ATP2C2: variants seen among roughly 807,000 people sequenced by gnomAD.
ATP2C2 encodes ATPase secretory pathway Ca2+ transporting 2, also known as calcium-transporting ATPase type 2C member 2.
Under a neutral mutation model 110.8 loss-of-function variants are expected in ATP2C2, and 171 were observed. The observed-to-expected ratio is 1.54, with a 90% confidence interval of 1.36 to 1.75. The LOEUF is 1.75. Ranked by LOEUF, ATP2C2 falls within the 40% of genes most tolerant of loss-of-function variation. The pLI, the probability that ATP2C2 is intolerant of heterozygous loss-of-function variation, is 0.00. For missense variants in ATP2C2, 1,963 were observed against 1,235.0 expected, an observed-to-expected ratio of 1.59 and a Z score of -8.84; for synonymous variants, 804 against 508.4, an observed-to-expected ratio of 1.58 and a Z score of -7.82.
chr16:84,392,952 T>C (rs1432474048), intron 1 of ATP2C2, among the ~76,000 whole-genome samples: 1 of 152,186 alleles, frequency 6.6e-6, no homozygotes, highest in East Asian at 1.9e-4. Context: ...TTTGGCTGCC[T>C]GACAGCGTAG....
intron 10 of ATP2C2, among the ~76,000 whole-genome samples, chr16:84,425,291 G>A (rs973925142): frequency 1.3e-5 from 2 of 152,158 alleles, no homozygotes; most frequent in Non-Finnish European, 2.9e-5. Flanking sequence ...AATTATTAAT[G>A]AAGGAAAATG....
rs780662548 is a variant in ATP2C2 at position 84,462,175 on chromosome 16, TG to T, written c.2722+52del. The T allele has an allele frequency of 5.7e-6, 9 of 1,583,034 alleles. No homozygotes were observed. The East Asian group carries it at 1.6e-4, about 28-fold the overall frequency. ...CGACAGGTGACCTCGACCAGGGCCA[TG>T]GGGGGCGGCAGCTGCCAGGTGGGGA... On this transcript the variant is annotated intron_variant, in intron 26 of 26. Transcript: ENST00000262429.
Position 84,439,454 on chromosome 16 carries a change from A to C in ATP2C2, c.1139A>C (p.Lys380Thr). 1 of 1,614,166 alleles carries C rather than the reference A, an allele frequency of 6.2e-7. No individual in the cohort carries two copies. Among genetic ancestry groups the C allele is most frequent in the South Asian group, 1.1e-5 (1 of 91,078 alleles). ...LGCCSVLCSD[K>T]TGTLTANEMT... is the part of the protein sequence containing the mutation. ...TGCTGCAGCGTTCTCTGTTCTGACA[A>C]GACGGGGACTCTGACTGCCAATGAA... Residue 380 changes from lysine to threonine, a missense_variant, in exon 13 of 27, where the codon AAG becomes ACG. Physicochemically the swap from Lys to Thr is moderately conservative, Grantham distance 78 (BLOSUM62 -1). Coordinates refer to ENST00000262429, the MANE Select transcript of ATP2C2 (RefSeq NM_014861.4).
chr16:84,462,252 G>A (rs914244032), intron 26 of ATP2C2, 123 bp downstream of exon 26: 89 of 1,327,906 alleles, frequency 6.7e-5, no homozygotes, highest in Admixed American at 4.9e-4. Flanking sequence ...ACCAGGGGCC[G>A]GCTCTGTCTT....
rs1018930136 is a variant in ATP2C2, at chr16:84,422,019, T to A, written c.625-371T>A. Among the ~76,000 whole-genome samples, 59 of 152,182 alleles carry A rather than the reference T, an allele frequency of 3.9e-4. 1 individual carries two copies. Among genetic ancestry groups the A allele is most frequent in the Admixed American group, 6.5e-5 (1 of 15,282 alleles). On this transcript the variant is annotated intron_variant, in intron 7 of 26. Coordinates refer to ENST00000262429, the MANE Select transcript of ATP2C2 (RefSeq NM_014861.4). ...ACCTGGCTCGGTTATTGTGTGGGAT[T>A]GTGTGGGAACCATACAGATTGTACA...
In ATP2C2 at chr16:84,407,844, A is replaced by G. The variant is rs550235219; in HGVS notation, c.328-561A>G. On this transcript the variant is annotated intron_variant, in intron 3 of 26. Coordinates refer to ENST00000262429, the MANE Select transcript of ATP2C2 (RefSeq NM_014861.4). ...TCTGAATCCGGTTTTATGTGTTTGC[A>G]TTTCTTTTCAATCCTCTGTAACATG... 7.9e-5 allele frequency among the ~76,000 whole-genome samples: 12 copies of G among 152,198 alleles called. No homozygotes were observed. In the East Asian group the frequency reaches 2.1e-3, roughly 27 times the overall value.
intron 20 of ATP2C2, 146 bp downstream of exon 20, chr16:84,453,517 T>A: frequency 9.0e-7 from 1 of 1,115,430 alleles, no homozygotes; most frequent in Non-Finnish European, 1.3e-6. Context: ...GCCCCGGGAG[T>A]TACCTTTTCA....
Position 84,425,902 on chromosome 16 carries a change from G to T in ATP2C2, c.986+101G>T, listed in dbSNP as rs540541619. 2.0e-5 allele frequency: 29 copies of T among 1,437,204 alleles called. 1 individual carries two copies. The African/African-American group carries it at 2.1e-4, about 10-fold the overall frequency. 89.0% of individuals were successfully genotyped at this position (1,437,204 alleles called of 1,614,324 possible). On this transcript the variant is annotated intron_variant, in intron 11 of 26. Transcript: ENST00000262429. ...GGTGGGGAGGCTGCAGAATAGGAAG[G>T]GTTGGGAAGGTGCAGCCCCGTCACC...
chr16:84,451,906 C>A lies in ATP2C2; in HGVS notation c.1661-15C>A. ...AGCCCCCGGTGACCCCTCCTTACTC[C>A]CCCTCTCTCCTCAGTGCTGGCCCTG... On this transcript the variant is annotated splice_polypyrimidine_tract_variant and intron_variant, in intron 17 of 26. Transcript: ENST00000262429. 1.2e-6 allele frequency: 2 copies of A among 1,606,382 alleles called. No homozygotes were observed. Among genetic ancestry groups the A allele is most frequent in the Non-Finnish European group, 1.7e-6 (2 of 1,177,730 alleles).
At chr16:84,410,483 TAA>T in intron 4 of ATP2C2, 83 bp from the exon 5 acceptor site, 1 of 1,446,480 alleles carries the variant, frequency 6.9e-7, no homozygotes, top group Non-Finnish European at 9.7e-7. Context: ...AATCAATCAT[TAA>T]AGACAAGCCC....
intron 1 of ATP2C2, among the ~76,000 whole-genome samples, chr16:84,374,760 C>T (rs1469696450): frequency 4.6e-5 from 7 of 152,180 alleles, no homozygotes; most frequent in African/African-American, 1.7e-4. Context: ...TGGATGAGAA[C>T]ACAGGCAGCT....
intron 13 of ATP2C2, among the ~76,000 whole-genome samples, chr16:84,440,129 C>A (rs919938202): frequency 1.3e-5 from 2 of 152,234 alleles, no homozygotes; most frequent in South Asian, 2.1e-4. Flanking sequence ...TGAGCCACCA[C>A]GCCCAGCCTG....
At chr16:84,401,864 A>G (rs1905345170) in intron 2 of ATP2C2, among the ~76,000 whole-genome samples, 1 of 152,158 alleles carries the variant, frequency 6.6e-6, no homozygotes, top group African/African-American at 2.4e-5. Context: ...TATTTCTGTT[A>G]AGAATGTCAT....
chr16:84,416,303 C>A (rs976058299), intron 7 of ATP2C2, among the ~76,000 whole-genome samples: 1 of 152,190 alleles, frequency 6.6e-6, no homozygotes, highest in Non-Finnish European at 1.5e-5. Context: ...GAGGTTACAT[C>A]AAGTTCACCA....
intron 21 of ATP2C2, among the ~76,000 whole-genome samples, chr16:84,458,551 T>A (rs1252526966): frequency 6.6e-6 from 1 of 152,140 alleles, no homozygotes; most frequent in Non-Finnish European, 1.5e-5. Flanking sequence ...TATAGTTCTT[T>A]TCAAAATATT....
rs758363847 is a variant in ATP2C2 at position 84,463,657 on chromosome 16, G to T, written c.2766G>T (p.Leu922Phe). ...LTGLASSVFI[L>F]SELLKLCEKY... ...GATTGGCCTCATCCGTCTTCATTTTGTCAGAGCTCCTCAAACTATGTGAAA... is the reference window on the plus strand; with the variant it reads ...GATTGGCCTCATCCGTCTTCATTTTTTCAGAGCTCCTCAAACTATGTGAAA... The change falls in exon 27 of 27, where the codon TTG (leucine) becomes TTT (phenylalanine). Residue 922 changes from leucine to phenylalanine, a missense_variant. Leu to Phe is a conservative substitution (Grantham distance 22, BLOSUM62 0). Coordinates refer to ENST00000262429, the MANE Select transcript of ATP2C2 (RefSeq NM_014861.4). The T allele has an allele frequency of 6.2e-7, 1 of 1,614,056 alleles. No individual in the cohort carries two copies. Among genetic ancestry groups the T allele is most frequent in the Non-Finnish European group, 8.5e-7 (1 of 1,180,036 alleles).
At chr16:84,393,240 G>C (rs1904766283) in intron 1 of ATP2C2, among the ~76,000 whole-genome samples, 1 of 152,204 alleles carries the variant, frequency 6.6e-6, no homozygotes, top group Non-Finnish European at 1.5e-5. Flanking sequence ...CTGTGTGATT[G>C]GAATCAACCC....
chr16:84,413,909 G>A (rs948007286), intron 6 of ATP2C2, among the ~76,000 whole-genome samples: 16 of 152,124 alleles, frequency 1.1e-4, no homozygotes, highest in East Asian at 1.9e-4. Context: ...GGGAGGCCTC[G>A]GCCTTTGGGG....
In ATP2C2 at chr16:84,439,447, T is replaced by A; in HGVS notation, c.1132T>A (p.Ser378Thr). ...ACCAGGTTGCTGCAGCGTTCTCTGTTCTGACAAGACGGGGACTCTGACTGC... is the reference window on the plus strand; with the variant it reads ...ACCAGGTTGCTGCAGCGTTCTCTGTACTGACAAGACGGGGACTCTGACTGC... Reference protein sequence around the residue: ...ETLGCCSVLCSDKTGTLTANE... With the variant: ...ETLGCCSVLCTDKTGTLTANE... Residue 378 changes from serine to threonine, a missense_variant, in exon 13 of 27, where the codon TCT (serine) becomes ACT (threonine). Ser to Thr is a moderately conservative substitution (Grantham distance 58, BLOSUM62 1). Coordinates refer to ENST00000262429, the MANE Select transcript of ATP2C2 (RefSeq NM_014861.4). The A allele has an allele frequency of 6.2e-7, 1 of 1,614,134 alleles. No homozygotes were observed. Among genetic ancestry groups the A allele is most frequent in the Non-Finnish European group, 8.5e-7 (1 of 1,180,034 alleles).
Sources: allele counts gnomAD v4.1 joint callset (sites outside exome capture counted in the v4.1 genomes callset), GRCh38; gene constraint gnomAD v4.1.1; transcripts MANE v1.5; gene names NCBI Gene and HGNC (gene_info 2026-07-23, HGNC 2026-07-21).